Variants in C12orf50 observed in about 807,000 individuals in gnomAD.
C12orf50 encodes the protein uncharacterized protein C12orf50.
Under a neutral mutation model 61.6 loss-of-function variants are expected in C12orf50, and 35 were observed. The ratio of observed to expected loss-of-function variants is 0.57; its 90% confidence interval spans 0.43 to 0.75. The LOEUF (loss-of-function observed/expected upper bound fraction) is 0.75. Ranked by LOEUF, C12orf50 falls within the 30% of genes least tolerant of loss-of-function variation. C12orf50 has a pLI of 0.00. For synonymous variants in C12orf50, 178 were observed against 161.5 expected (o/e 1.10, Z -0.77); for missense variants, 475 against 488.5 (o/e 0.97, Z 0.26).
chr12:88,017,334 T>A (rs2032349407), intron 3 of C12orf50, among the ~76,000 whole-genome samples: 1 of 152,250 alleles, frequency 6.6e-6, no homozygotes, highest in Admixed American at 6.5e-5. Context: ...CTTTGCCTGC[T>A]GCCATACATG....
intron 3 of C12orf50, among the ~76,000 whole-genome samples, chr12:88,015,713 A>G (rs932023386): frequency 1.3e-5 from 2 of 152,230 alleles, no homozygotes; most frequent in African/African-American, 2.4e-5. Context: ...TATGGTAAAT[A>G]TTAACAGAAT....
chr12:88,013,453 C>A (rs990000266), intron 3 of C12orf50, among the ~76,000 whole-genome samples: 1 of 152,106 alleles, frequency 6.6e-6, no homozygotes, highest in Non-Finnish European at 1.5e-5. Flanking sequence ...ATTGTTGATT[C>A]TATCATGTTA....
chr12:88,013,681 T>A (rs1592677184), intron 3 of C12orf50, among the ~76,000 whole-genome samples: 1 of 152,342 alleles, frequency 6.6e-6, no homozygotes, highest in East Asian at 1.9e-4. Context: ...TGACAAAATG[T>A]TAATTGGTGA....
At chr12:87,989,783 A>G (rs942344422) in intron 7 of C12orf50, among the ~76,000 whole-genome samples, 1 of 152,144 alleles carries the variant, frequency 6.6e-6, no homozygotes, top group Non-Finnish European at 1.5e-5. Flanking sequence ...TTTAAATGTT[A>G]CATACAAAAT....
At chr12:87,994,549 G>GA in intron 7 of C12orf50, 84 bp downstream of exon 7, 1 of 1,068,528 alleles carries the variant, frequency 9.4e-7, no homozygotes, top group Non-Finnish European at 1.4e-6. Flanking sequence ...GACAAAAAAA[G>GA]AAAATTAGTT....
At chr12:88,029,829 T>A (rs1257506475), upstream of C12orf50, among the ~76,000 whole-genome samples, 3 of 152,200 alleles carry the variant, frequency 2.0e-5, no homozygotes, top group Admixed American at 6.5e-5. Context: ...AATTGTGATA[T>A]ATTAATAGGT....
chr12:88,019,380 T>A lies in C12orf50; in HGVS notation c.133+7108A>T, dbSNP rs79853819. On this transcript the variant is annotated intron_variant, in intron 3 of 12. Transcript: ENST00000298699. ...CTCCCCAGACATGTGGAACTATAAGTCCATTAAACTTCCTTCTTGTAAATT... is the reference window on the plus strand; with the variant it reads ...CTCCCCAGACATGTGGAACTATAAGACCATTAAACTTCCTTCTTGTAAATT... Among the ~76,000 whole-genome samples the A allele has an allele frequency of 2.6e-4, 40 of 152,260 alleles. No individual in the cohort carries two copies. In the East Asian group the frequency reaches 3.5e-3, roughly 13 times the overall value.
intron 7 of C12orf50, among the ~76,000 whole-genome samples, chr12:87,989,654 CT>C (rs1342944323): frequency 2.0e-5 from 3 of 151,986 alleles, no homozygotes; most frequent in Admixed American, 6.6e-5. Context: ...TAGTCCCACC[CT>C]TTAGAGATAC....
chr12:87,988,941 AAAC>A (rs1439844778), intron 8 of C12orf50, among the ~76,000 whole-genome samples: 4 of 152,150 alleles, frequency 2.6e-5, no homozygotes, highest in African/African-American at 9.7e-5. Context: ...CAATGTTCAC[AAAC>A]AACGTTTTCT....
At position 87,983,111 on chromosome 12, in the gene C12orf50, A is replaced by G; in HGVS notation, c.1211T>C (p.Ile404Thr). The G allele has an allele frequency of 3.8e-6, 6 of 1,576,094 alleles. No individual in the cohort carries two copies. The highest frequency in any genetic ancestry group is 5.2e-6 in the Non-Finnish European group (6 of 1,148,570). Residue 404 changes from isoleucine to threonine, a missense_variant, in exon 12 of 13, where the codon ATA (isoleucine) becomes ACA (threonine). Ile to Thr is a moderately conservative substitution (Grantham distance 89). Coordinates refer to ENST00000298699, the MANE Select transcript of C12orf50 (RefSeq NM_152589.3). Reference protein sequence around the residue: ...FSKTYSKSEKIYPEPRRNGSK With the variant: ...FSKTYSKSEKTYPEPRRNGSK ...CACTTATAAATAGTTACCTGGATATATCTTTTCACTTTTTGAATATGTTTT... is the reference window on the plus strand; with the variant it reads ...CACTTATAAATAGTTACCTGGATATGTCTTTTCACTTTTTGAATATGTTTT...
chr12:88,020,980 T>C (rs997516301), intron 3 of C12orf50, among the ~76,000 whole-genome samples: 1 of 152,142 alleles, frequency 6.6e-6, no homozygotes, highest in African/African-American at 2.4e-5. Flanking sequence ...AAGAAATTCT[T>C]TGAAACTTTT....
At chr12:87,998,481 A>T (rs1295886103) in intron 3 of C12orf50, among the ~76,000 whole-genome samples, 1 of 152,128 alleles carries the variant, frequency 6.6e-6, no homozygotes, top group Non-Finnish European at 1.5e-5. Context: ...ATATATATTG[A>T]AAAAGATTTT....
chr12:88,000,092 T>C (rs906234780), intron 3 of C12orf50, among the ~76,000 whole-genome samples: 6 of 152,120 alleles, frequency 3.9e-5, no homozygotes, highest in African/African-American at 1.2e-4. Flanking sequence ...CAATGTTTCA[T>C]TGGAAAGAAA....
chr12:88,010,909 A>G (rs904473032), intron 3 of C12orf50, among the ~76,000 whole-genome samples: 2 of 152,080 alleles, frequency 1.3e-5, no homozygotes, highest in African/African-American at 2.4e-5. Flanking sequence ...TTTGACATGT[A>G]TTATTATATC....
intron 7 of C12orf50, among the ~76,000 whole-genome samples, chr12:87,992,306 C>T (rs2031162808): frequency 6.6e-6 from 1 of 152,030 alleles, no homozygotes; most frequent in Admixed American, 6.6e-5. Context: ...AGCAATGGTT[C>T]AGTGTTTGCT....
chr12:88,007,131 G>A (rs2031915991), intron 3 of C12orf50, among the ~76,000 whole-genome samples: 1 of 152,074 alleles, frequency 6.6e-6, no homozygotes, highest in Admixed American at 6.5e-5. Context: ...TTTTTTAAAT[G>A]CAAGTAGAAT....
At chr12:88,015,234 A>AGT (rs1565758028) in intron 3 of C12orf50, among the ~76,000 whole-genome samples, 1 of 152,188 alleles carries the variant, frequency 6.6e-6, no homozygotes, top group East Asian at 1.9e-4. Flanking sequence ...CACAAAAATT[A>AGT]GTGTGTGTGT....
At chr12:88,007,582 G>T (rs1035336268) in intron 3 of C12orf50, among the ~76,000 whole-genome samples, 1 of 152,166 alleles carries the variant, frequency 6.6e-6, no homozygotes, top group Admixed American at 6.6e-5. Flanking sequence ...ACAGAAGAAG[G>T]CAGAAGGGCA....
At chr12:87,990,692 C>A (rs1344779285) in intron 7 of C12orf50, among the ~76,000 whole-genome samples, 1 of 151,722 alleles carries the variant, frequency 6.6e-6, no homozygotes, top group East Asian at 1.9e-4. Flanking sequence ...ATGTCTAATT[C>A]ATCATGTAAG....
Sources: allele counts gnomAD v4.1 joint callset (sites outside exome capture counted in the v4.1 genomes callset), GRCh38; gene constraint gnomAD v4.1.1; transcripts MANE v1.5; gene names NCBI Gene and HGNC (gene_info 2026-07-23, HGNC 2026-07-21).